The following FGF14 variants were observed in gnomAD, a reference collection of about 807,000 sequenced individuals.
FGF14 encodes the protein fibroblast growth factor homologous factor 4.
In FGF14, 5 loss-of-function variants were observed where a neutral mutation model predicts 25.5. That is an observed-to-expected ratio of 0.20 (90% confidence interval 0.10 to 0.41). The LOEUF (loss-of-function observed/expected upper bound fraction) is 0.41. Ranked by LOEUF, FGF14 falls within the 10% of genes least tolerant of loss-of-function variation. The pLI, the probability that FGF14 is intolerant of heterozygous loss-of-function variation, is 1.00. For missense variants in FGF14, 222 were observed against 320.1 expected (o/e 0.69, Z 2.34); for synonymous variants, 138 against 118.3 (o/e 1.17, Z -1.08).
chr13:102,205,984 TAAAAAAAAAAAAAAAAAA>T (rs36108366), intron 1 of FGF14, among the ~76,000 whole-genome samples: 11 of 47,462 alleles, frequency 2.3e-4, no homozygotes, highest in Admixed American at 6.8e-4. Context: ...CTCCCTGTGG[TAAAAAAAAAAAAAAAAAA>T]AAAAAAAAAA....
chr13:102,203,205 T>A (rs1009721078), intron 1 of FGF14, among the ~76,000 whole-genome samples: 5 of 152,248 alleles, frequency 3.3e-5, no homozygotes, highest in African/African-American at 1.2e-4. Flanking sequence ...ATGTAAATAC[T>A]GTAATAAATT....
chr13:102,308,622 T>C (rs532335278), intron 1 of FGF14, among the ~76,000 whole-genome samples: 3 of 152,302 alleles, frequency 2.0e-5, no homozygotes, highest in African/African-American at 4.8e-5. Context: ...TAGCCCCAGC[T>C]CTGCCTGAGT....
At chr13:102,373,877 A>T (rs893673422) in intron 1 of FGF14, among the ~76,000 whole-genome samples, 2 of 151,746 alleles carry the variant, frequency 1.3e-5, no homozygotes, top group Non-Finnish European at 2.9e-5. Context: ...GTTCTAAAAA[A>T]ATATCAATGC....
At chr13:101,800,473 G>T (rs1277533954) in intron 3 of FGF14, among the ~76,000 whole-genome samples, 3 of 152,032 alleles carry the variant, frequency 2.0e-5, no homozygotes, top group Non-Finnish European at 4.4e-5. Flanking sequence ...AACCAAAAGG[G>T]ACTTATCCAT....
intron 1 of FGF14, among the ~76,000 whole-genome samples, chr13:102,183,192 A>AT (rs1449812517): frequency 1.3e-5 from 2 of 152,174 alleles, no homozygotes; most frequent in South Asian, 2.1e-4. Context: ...ATATTTGCCT[A>AT]TAAAAAAAAG....
At chr13:102,352,281 ACACACAC>A (rs1392195697) in intron 1 of FGF14, among the ~76,000 whole-genome samples, 5 of 146,550 alleles carry the variant, frequency 3.4e-5, no homozygotes, top group Non-Finnish European at 3.0e-5. Context: ...ACACACACAC[ACACACAC>A]ACCTGCAACA....
At chr13:101,926,881 G>C (rs920883700) in intron 1 of FGF14, among the ~76,000 whole-genome samples, 1 of 152,138 alleles carries the variant, frequency 6.6e-6, no homozygotes, top group Non-Finnish European at 1.5e-5. Flanking sequence ...GGTTGACACT[G>C]ACTGCAAATG....
chr13:102,056,931 TATAA>T (rs1043917546), intron 1 of FGF14, among the ~76,000 whole-genome samples: 47 of 151,518 alleles, frequency 3.1e-4, no homozygotes, highest in South Asian at 1.5e-3. Context: ...TAGTATATTA[TATAA>T]ATAATTTGTT....
chr13:102,015,937 T>C (rs1192822639), intron 1 of FGF14, among the ~76,000 whole-genome samples: 1 of 152,110 alleles, frequency 6.6e-6, no homozygotes, highest in Admixed American at 6.6e-5. Context: ...ATAGAAATAC[T>C]CTCCAAAATT....
At chr13:101,970,664 C>T (rs949702032) in intron 1 of FGF14, among the ~76,000 whole-genome samples, 2 of 152,168 alleles carry the variant, frequency 1.3e-5, no homozygotes, top group Non-Finnish European at 2.9e-5. Context: ...AGAAAAAATG[C>T]ATTTGCTCTA....
chr13:102,272,230 T>A (rs2053284380), intron 1 of FGF14, among the ~76,000 whole-genome samples: 2 of 152,224 alleles, frequency 1.3e-5, no homozygotes, highest in Admixed American at 1.3e-4. Flanking sequence ...TGGCTTGCTT[T>A]TTATTATCAT....
intron 3 of FGF14, among the ~76,000 whole-genome samples, chr13:101,847,875 CAG>C (rs2043545318): frequency 6.6e-6 from 1 of 151,910 alleles, no homozygotes. Flanking sequence ...AAACGTTTAA[CAG>C]AGCATGTAAA....
Position 102,361,351 on chromosome 13 carries a change from C to T in FGF14, c.208+40120G>A, listed in dbSNP as rs114508364. Among the ~76,000 whole-genome samples the T allele has an allele frequency of 4.0e-3, 612 of 152,200 alleles. 3 individuals carry two copies. The highest frequency in any genetic ancestry group is 0.014 in the African/African-American group (563 of 41,532). Reference sequence around the variant, plus strand: ...TTGGAAAAGACAGCATGGAGAAGAACGGAAGTTAACCTGGCTTCAAAGCCT... The same window carrying T: ...TTGGAAAAGACAGCATGGAGAAGAATGGAAGTTAACCTGGCTTCAAAGCCT... On this transcript the variant is annotated intron_variant, in intron 1 of 4. Transcript: ENST00000376131.
At chr13:102,294,860 C>T (rs1213000363) in intron 1 of FGF14, among the ~76,000 whole-genome samples, 6 of 152,146 alleles carry the variant, frequency 3.9e-5, no homozygotes, top group Non-Finnish European at 8.8e-5. Context: ...CCTGATCTAC[C>T]TCCTGAGGTT....
intron 1 of FGF14, among the ~76,000 whole-genome samples, chr13:101,883,027 C>T (rs2045799437): frequency 6.6e-6 from 1 of 151,186 alleles, no homozygotes. Context: ...CCTATGAATC[C>T]AAGTAGACAT....
intron 1 of FGF14, among the ~76,000 whole-genome samples, chr13:102,281,656 C>G (rs1278783019): frequency 1.3e-5 from 2 of 150,988 alleles, no homozygotes; most frequent in Admixed American, 6.6e-5. Context: ...CTCTGTTTAT[C>G]TTACGTATTC....
chr13:102,312,917 G>C (rs2055843475), intron 1 of FGF14, among the ~76,000 whole-genome samples: 1 of 152,166 alleles, frequency 6.6e-6, no homozygotes, highest in African/African-American at 2.4e-5. Flanking sequence ...AGCTCGGCAG[G>C]TACATCACTC....
intron 1 of FGF14, among the ~76,000 whole-genome samples, chr13:101,948,678 C>G (rs1408935671): frequency 6.6e-6 from 1 of 151,012 alleles, no homozygotes; most frequent in Non-Finnish European, 1.5e-5. Flanking sequence ...TACATAATGA[C>G]AAAGAAGCAA....
intron 1 of FGF14, among the ~76,000 whole-genome samples, chr13:102,185,773 C>G (rs528045531): frequency 2.6e-5 from 4 of 152,272 alleles, no homozygotes; most frequent in African/African-American, 9.6e-5. Flanking sequence ...ACAATTCACT[C>G]AGTCCCTTGG....
Sources: allele counts gnomAD v4.1 joint callset (sites outside exome capture counted in the v4.1 genomes callset), GRCh38; gene constraint gnomAD v4.1.1; transcripts MANE v1.5; gene names NCBI Gene and HGNC (gene_info 2026-07-23, HGNC 2026-07-21).